TRPS1: variants seen among roughly 807,000 people sequenced by gnomAD.
TRPS1 encodes the protein zinc finger transcription factor Trps1.
TRPS1 carries 6 observed loss-of-function variants against 101.2 expected under a neutral mutation model. That is an observed-to-expected ratio of 0.06 (90% CI 0.03 to 0.12). The LOEUF (loss-of-function observed/expected upper bound fraction) is 0.12. TRPS1 is among the 10% of genes least tolerant of loss of function. The pLI is 1.00. For missense variants in TRPS1, 1,363 were observed against 1,567.0 expected (o/e 0.87, Z 2.20); for synonymous variants, 578 against 589.8 (o/e 0.98, Z 0.29).
intron 5 of TRPS1, among the ~76,000 whole-genome samples, chr8:115,560,616 G>T: frequency 6.6e-6 from 1 of 152,042 alleles, no homozygotes; most frequent in South Asian, 2.1e-4. Flanking sequence ...GGTGTAAACT[G>T]CCCCTGCTCC....
chr8:115,589,945 C>G (rs1349678291), intron 4 of TRPS1, among the ~76,000 whole-genome samples: 1 of 152,038 alleles, frequency 6.6e-6, no homozygotes, highest in Non-Finnish European at 1.5e-5. Context: ...GGTGAAACCC[C>G]ATCTCTAATA....
Position 115,430,795 on chromosome 8 carries a change from T to C in TRPS1, c.2701-12343A>G, listed in dbSNP as rs187818683. On this transcript the variant is annotated intron_variant, in intron 5 of 6. Coordinates refer to ENST00000395715, the MANE Select transcript of TRPS1 (RefSeq NM_014112.5). ...GCACTACCATGTAGTGAGACATCAC[T>C]AGTTGTCTTTATTTTCATTAAAGCA... is the stretch of plus-strand genomic sequence containing the variant. Among the ~76,000 whole-genome samples the C allele has an allele frequency of 3.3e-5, 5 of 152,224 alleles. No homozygotes were observed. The East Asian group carries it at 9.6e-4, about 29-fold the overall frequency.
chr8:115,467,225 C>G (rs1471953398), intron 5 of TRPS1, among the ~76,000 whole-genome samples: 2 of 151,990 alleles, frequency 1.3e-5, no homozygotes, highest in Non-Finnish European at 2.9e-5. Context: ...TTACTTGATT[C>G]TGTCATATGA....
chr8:115,563,130 T>C (rs1013026722), intron 5 of TRPS1, among the ~76,000 whole-genome samples: 1 of 151,954 alleles, frequency 6.6e-6, no homozygotes, highest in Non-Finnish European at 1.5e-5. Context: ...ACTGTATAAT[T>C]TCTAAAAAAG....
intron 5 of TRPS1, among the ~76,000 whole-genome samples, chr8:115,460,693 C>A (rs777991647): frequency 1.3e-5 from 2 of 151,942 alleles, no homozygotes; most frequent in Non-Finnish European, 2.9e-5. Context: ...CAAGACCATG[C>A]GATTCAATTA....
chr8:115,612,683 G>T (rs569730543), intron 3 of TRPS1, among the ~76,000 whole-genome samples: 3 of 152,182 alleles, frequency 2.0e-5, no homozygotes, highest in Admixed American at 1.3e-4. Flanking sequence ...AAGGATGCAG[G>T]CATTCTTTAA....
In TRPS1 at chr8:115,653,789, C is replaced by T. The variant is rs146671599; in HGVS notation, c.-122+14756G>A. On this transcript the variant is annotated intron_variant, in intron 1 of 6. Coordinates refer to ENST00000395715, the MANE Select transcript of TRPS1 (RefSeq NM_014112.5). ...ACCCTGCGACTCAAGATGAACTGAA[C>T]GGGGTTCAAATACAGACCCTGGACC... Among the ~76,000 whole-genome samples the T allele has an allele frequency of 9.7e-4, 148 of 152,246 alleles. No individual in the cohort carries two copies. In the East Asian group the frequency reaches 0.027, roughly 27 times the overall value.
intron 1 of TRPS1, among the ~76,000 whole-genome samples, chr8:115,641,272 A>T (rs1220218459): frequency 1.3e-5 from 2 of 152,194 alleles, no homozygotes; most frequent in African/African-American, 4.8e-5. Flanking sequence ...TCTTTCTTGT[A>T]ACCAGGGATT....
At chr8:115,442,950 GC>G (rs892790752) in intron 5 of TRPS1, among the ~76,000 whole-genome samples, 3 of 152,060 alleles carry the variant, frequency 2.0e-5, no homozygotes, top group South Asian at 2.1e-4. Context: ...AAAAAAATTA[GC>G]CGGACGTGGT....
intron 5 of TRPS1, among the ~76,000 whole-genome samples, chr8:115,435,543 C>A (rs149930094): frequency 2.0e-5 from 3 of 152,042 alleles, no homozygotes; most frequent in Admixed American, 1.3e-4. Flanking sequence ...AGGGGACTCA[C>A]GGTGGGCTGG....
At chr8:115,633,701 T>A (rs1343865679) in intron 1 of TRPS1, among the ~76,000 whole-genome samples, 1 of 152,122 alleles carries the variant, frequency 6.6e-6, no homozygotes, top group Non-Finnish European at 1.5e-5. Context: ...TGTGGTTTTT[T>A]CAGAGGATTC....
intron 3 of TRPS1, among the ~76,000 whole-genome samples, chr8:115,611,066 G>A (rs534870459): frequency 6.8e-5 from 10 of 148,122 alleles, no homozygotes; most frequent in African/African-American, 2.2e-4. Flanking sequence ...GCAGTGAGCC[G>A]AGACCATGCC....
At chr8:115,668,424 C>T (rs1189046990) in intron 1 of TRPS1, 121 bp downstream of exon 1, 5 of 139,212 alleles carry the variant, frequency 3.6e-5, no homozygotes, top group Non-Finnish European at 7.6e-5. Flanking sequence ...ACATTTTGCG[C>T]GCACACGAGC....
chr8:115,429,488 A>T (rs908328276), intron 5 of TRPS1, among the ~76,000 whole-genome samples: 1 of 152,236 alleles, frequency 6.6e-6, no homozygotes, highest in Admixed American at 6.5e-5. Context: ...TGTGATCTGG[A>T]GTTTATTAAT....
chr8:115,492,527 C>T (rs996139247), intron 5 of TRPS1, among the ~76,000 whole-genome samples: 16 of 151,082 alleles, frequency 1.1e-4, no homozygotes, highest in Admixed American at 7.3e-4. Context: ...TTAATTCAAT[C>T]GACAAAAATA....
At chr8:115,527,684 T>C (rs908588500) in intron 5 of TRPS1, among the ~76,000 whole-genome samples, 1 of 152,032 alleles carries the variant, frequency 6.6e-6, no homozygotes, top group Non-Finnish European at 1.5e-5. Flanking sequence ...AAAATGGTCC[T>C]GAGAAGAAAA....
intron 5 of TRPS1, among the ~76,000 whole-genome samples, chr8:115,537,794 T>C (rs1357018088): frequency 1.3e-5 from 2 of 152,156 alleles, no homozygotes; most frequent in African/African-American, 2.4e-5. Context: ...CGTAAGTGAG[T>C]TGGACTTCGA....
intron 5 of TRPS1, among the ~76,000 whole-genome samples, chr8:115,565,985 A>C (rs951580989): frequency 3.9e-5 from 6 of 152,128 alleles, no homozygotes; most frequent in African/African-American, 1.4e-4. Flanking sequence ...TGTTTACCTA[A>C]TCTTGTACCA....
At chr8:115,492,480 T>C (rs200539295) in intron 5 of TRPS1, among the ~76,000 whole-genome samples, 55 of 116,124 alleles carry the variant, frequency 4.7e-4, no homozygotes, top group East Asian at 2.3e-3. Flanking sequence ...TGTGTGTGTG[T>C]GCGTGCGTGT....
Sources: allele counts gnomAD v4.1 joint callset (sites outside exome capture counted in the v4.1 genomes callset), GRCh38; gene constraint gnomAD v4.1.1; transcripts MANE v1.5; gene names NCBI Gene and HGNC (gene_info 2026-07-23, HGNC 2026-07-21).